The following N4BP1 variants were observed in gnomAD, a reference collection of about 807,000 sequenced individuals.
The protein encoded by N4BP1 is NEDD4-binding protein 1.
In N4BP1, 21 loss-of-function variants were observed where a neutral mutation model predicts 70.9. The observed-to-expected ratio is 0.30, with a 90% CI of 0.21 to 0.43. N4BP1 has a LOEUF of 0.43. Ranked by LOEUF, N4BP1 falls within the 20% of genes least tolerant of loss-of-function variation. The probability of loss-of-function intolerance (pLI) is 1.00; values close to 1 mark genes in which losing one functional copy is unlikely to be tolerated. For synonymous variants in N4BP1, 387 were observed against 394.6 expected, an observed-to-expected ratio of 0.98 and a Z score of 0.23; for missense variants, 936 against 1,069.4, an observed-to-expected ratio of 0.88 and a Z score of 1.74.
Position 48,561,860 on chromosome 16 carries a change from C to T in N4BP1, c.783G>A (p.Val261=). The change falls in exon 2 of 7, where the codon GTG becomes GTA. Residue 261 remains valine (V), a synonymous_variant. Transcript: ENST00000262384. ...MDTVLSSSPD[V]LFDPINGLTP... is the part of the protein sequence containing the mutation. ...TTAGACCATTTATTGGATCAAAAAG[C>T]ACATCTGGTGAGCTAGAAAGGACTG... 6.2e-7 allele frequency: 1 copy of T among 1,613,850 alleles called. No homozygotes were observed.
chr16:48,583,700 C>A (rs1171299103), intron 1 of N4BP1, among the ~76,000 whole-genome samples: 1 of 152,222 alleles, frequency 6.6e-6, no homozygotes, highest in Non-Finnish European at 1.5e-5. Context: ...TTGAAAACTT[C>A]AAGTGCTCTC....
chr16:48,591,837 C>T (rs1233519934), intron 1 of N4BP1, among the ~76,000 whole-genome samples: 2 of 149,068 alleles, frequency 1.3e-5, no homozygotes, highest in African/African-American at 2.5e-5. Context: ...GTGGATAGAT[C>T]GCTCTCAAAA....
chr16:48,577,647 G>C (rs80036337), intron 1 of N4BP1: 2 of 222,772 alleles, frequency 9.0e-6, no homozygotes, highest in Non-Finnish European at 1.9e-5. Flanking sequence ...TCCAGAGGTC[G>C]GGGGTCAGGC....
At chr16:48,550,169 C>T (rs554244875) in intron 4 of N4BP1, among the ~76,000 whole-genome samples, 34 of 152,304 alleles carry the variant, frequency 2.2e-4, no homozygotes, top group African/African-American at 8.2e-4. Flanking sequence ...GTCCCCAGAA[C>T]CTACCTCGGT....
At chr16:48,575,609 C>T (rs1964081004) in intron 1 of N4BP1, among the ~76,000 whole-genome samples, 1 of 152,264 alleles carries the variant, frequency 6.6e-6, no homozygotes, top group South Asian at 2.1e-4. Context: ...TTTCTTCACA[C>T]CACTACTCAG....
At chr16:48,592,115 C>T (rs77702353) in intron 1 of N4BP1, among the ~76,000 whole-genome samples, 7,177 of 152,104 alleles carry the variant, frequency 0.047, 264 homozygotes, top group Non-Finnish European at 0.077. Context: ...GATGAGATTC[C>T]CATGGGGGAT....
In N4BP1 at chr16:48,560,866, C is replaced by T; in HGVS notation, c.1777G>A (p.Val593Ile). The change falls in exon 2 of 7, where the codon GTT (valine) becomes ATT (isoleucine). Residue 593 changes from valine (V) to isoleucine (I), a missense_variant. Val to Ile is a conservative substitution (Grantham distance 29). Coordinates refer to ENST00000262384, the MANE Select transcript of N4BP1 (RefSeq NM_153029.4). ...TTTAGAGTATCTCGAAACCTTTGAA[C>T]CCCAGTAACTGAGGAATCAATATGA... The part of the protein sequence containing the change: ...SDHIDSSVTG[V>I]QRFRDTLKIP... 2 of 1,613,922 alleles carry T rather than the reference C, an allele frequency of 1.2e-6. No individual in the cohort carries two copies. The highest frequency in any genetic ancestry group is 1.1e-5 in the South Asian group (1 of 91,090).
At chr16:48,563,570 G>C (rs1031762235) in intron 1 of N4BP1, among the ~76,000 whole-genome samples, 1 of 152,020 alleles carries the variant, frequency 6.6e-6, no homozygotes, top group Admixed American at 6.6e-5. Context: ...CGCTAGATGG[G>C]GTTTCACCAT....
intron 1 of N4BP1, among the ~76,000 whole-genome samples, chr16:48,581,048 G>A (rs191518372): frequency 6.6e-6 from 1 of 152,096 alleles, no homozygotes; most frequent in African/African-American, 2.4e-5. Flanking sequence ...TAATAGCAAA[G>A]AGAATTCAAT....
At chr16:48,551,564 G>A (rs1963666189) in intron 3 of N4BP1, 82 bp from the exon 4 acceptor site, 1 of 961,670 alleles carries the variant, frequency 1.0e-6, no homozygotes, top group African/African-American at 1.7e-5. Context: ...ACACTCAAAT[G>A]TTTCACTTGG....
At chr16:48,593,309 A>C (rs1964362334) in intron 1 of N4BP1, among the ~76,000 whole-genome samples, 1 of 152,206 alleles carries the variant, frequency 6.6e-6, no homozygotes. Flanking sequence ...ACAGTGTAAC[A>C]TGTATTTGAG....
chr16:48,589,763 T>C (rs1964305506), intron 1 of N4BP1, among the ~76,000 whole-genome samples: 1 of 152,194 alleles, frequency 6.6e-6, no homozygotes, highest in Non-Finnish European at 1.5e-5. Flanking sequence ...TGTAGACTGG[T>C]GAAACCACCT....
At chr16:48,601,600 A>G (rs919893520) in intron 1 of N4BP1, among the ~76,000 whole-genome samples, 1 of 152,240 alleles carries the variant, frequency 6.6e-6, no homozygotes, top group Non-Finnish European at 1.5e-5. Context: ...ACGTGGATTT[A>G]TTCCTACAGC....
At chr16:48,559,790 C>T (rs578181137) in intron 2 of N4BP1, 1 of 152,216 alleles carries the variant, frequency 6.6e-6, no homozygotes, top group African/African-American at 2.4e-5. Flanking sequence ...GCTCTCTGAA[C>T]CTCTCCTGGT....
At chr16:48,546,074 G>T in intron 6 of N4BP1, 73 bp downstream of exon 6, 2 of 900,436 alleles carry the variant, frequency 2.2e-6, no homozygotes, top group Non-Finnish European at 3.4e-6. Context: ...AGTCTATAAA[G>T]ACAGCACTTG....
intron 1 of N4BP1, among the ~76,000 whole-genome samples, chr16:48,567,608 C>T (rs1156772977): frequency 6.6e-6 from 1 of 152,130 alleles, no homozygotes; most frequent in Non-Finnish European, 1.5e-5. Context: ...TGAGAGCCAC[C>T]ATGCTCGGCC....
intron 2 of N4BP1, among the ~76,000 whole-genome samples, chr16:48,558,926 T>C (rs2151088561): frequency 6.6e-6 from 1 of 152,274 alleles, no homozygotes; most frequent in East Asian, 1.9e-4. Context: ...AACTTTAACA[T>C]CTGAAATGAT....
chr16:48,562,200 G>T lies in N4BP1; in HGVS notation c.443C>A (p.Pro148His). 5 of 1,613,844 alleles carry T rather than the reference G, an allele frequency of 3.1e-6. No homozygotes were observed. Among genetic ancestry groups the T allele is most frequent in the Non-Finnish European group, 4.2e-6 (5 of 1,179,878 alleles). ...VKLFENKENL[P>H]SSQKESEVKR... ...CACCTCTGATTCTTTCTGACTACTG[G>T]GTAGGTTCTCTTTATTTTCAAAGAG... Residue 148 changes from proline to histidine, a missense_variant, in exon 2 of 7, where the codon CCC (proline) becomes CAC (histidine). Physicochemically the swap from Pro to His is moderately conservative, Grantham distance 77 (BLOSUM62 -2). Coordinates refer to ENST00000262384, the MANE Select transcript of N4BP1 (RefSeq NM_153029.4).
At chr16:48,595,829 T>C (rs1364442324) in intron 1 of N4BP1, among the ~76,000 whole-genome samples, 3 of 152,184 alleles carry the variant, frequency 2.0e-5, no homozygotes, top group African/African-American at 7.2e-5. Context: ...GTTCCTGACC[T>C]GTGGTAAGTA....
Sources: gnomAD v4.1 joint callset for allele counts (sites outside exome capture counted in the v4.1 genomes callset) on GRCh38, gnomAD v4.1.1 for gene constraint, MANE v1.5 for transcripts, NCBI Gene and HGNC (gene_info 2026-07-23, HGNC 2026-07-21) for gene names.